Variants in DDX60 observed in about 807,000 individuals in gnomAD.
DDX60 encodes DExD/H-box helicase 60.
A neutral mutation model predicts 212.8 loss-of-function variants in DDX60; 165 were observed. That is an observed-to-expected ratio of 0.78 (90% CI 0.68 to 0.88). DDX60 has a LOEUF of 0.88. Ranked by LOEUF, DDX60 falls within the 40% of genes least tolerant of loss-of-function variation. The pLI is 0.00. For missense variants in DDX60, 1,905 were observed against 2,003.9 expected (o/e 0.95, Z 0.94); for synonymous variants, 703 against 685.3 (o/e 1.03, Z -0.40).
rs756026462 is a variant in DDX60, at chr4:168,287,187, CAAATTCA to C, written c.1193_1199del (p.Leu398TrpfsTer6). On this transcript the variant is annotated frameshift_variant, in exon 10 of 38. Coordinates refer to ENST00000393743, the MANE Select transcript of DDX60 (RefSeq NM_017631.6). LOFTEE classifies it high-confidence loss of function. Reference sequence around the variant, plus strand: ...CATAATCTTTCATAATGGTATCTCCCAAATTCAAATGTAGGCCTACATAACAATTAAA... The same window carrying C: ...CATAATCTTTCATAATGGTATCTCCCAATGTAGGCCTACATAACAATTAAA... 1 of 1,607,448 alleles carries C rather than the reference CAAATTCA, an allele frequency of 6.2e-7. No individual in the cohort carries two copies. The highest frequency in any genetic ancestry group is 1.1e-5 in the South Asian group (1 of 89,894).
At position 168,292,333 on chromosome 4, in the gene DDX60, C is replaced by A. The variant is rs905429497; in HGVS notation, c.883-427G>T. 2.0e-5 allele frequency among the ~76,000 whole-genome samples: 3 copies of A among 152,238 alleles called. No homozygotes were observed. The South Asian group carries it at 6.2e-4, about 32-fold the overall frequency. On this transcript the variant is annotated intron_variant, in intron 7 of 37. Coordinates refer to ENST00000393743, the MANE Select transcript of DDX60 (RefSeq NM_017631.6). ...GTGCTAGGATTACTCGTGTGAGACA[C>A]CATGCCCAGCTGAATTATTACATTT...
chr4:168,227,414 C>T (rs1180428468), intron 33 of DDX60, among the ~76,000 whole-genome samples: 4 of 151,840 alleles, frequency 2.6e-5, no homozygotes, highest in Admixed American at 6.6e-5. Context: ...GTAGTACTGC[C>T]CCATTTTCTT....
intron 33 of DDX60, among the ~76,000 whole-genome samples, chr4:168,226,495 C>G (rs1266107010): frequency 6.6e-6 from 1 of 151,968 alleles, no homozygotes; most frequent in African/African-American, 2.4e-5. Flanking sequence ...CACCAGACAC[C>G]TTGATTTAGA....
intron 35 of DDX60, among the ~76,000 whole-genome samples, chr4:168,223,360 T>C (rs181156736): frequency 6.6e-6 from 1 of 152,184 alleles, no homozygotes; most frequent in African/African-American, 2.4e-5. Context: ...CTTACTCTAG[T>C]AAAGTAAATT....
intron 34 of DDX60, among the ~76,000 whole-genome samples, 186 bp downstream of exon 34, chr4:168,225,343 G>T (rs1297678074): frequency 6.6e-6 from 1 of 151,986 alleles, no homozygotes; most frequent in African/African-American, 2.4e-5. Context: ...GCCCTACTTA[G>T]TTTGTCTCTT....
chr4:168,287,721 A>T (rs1245731139), intron 9 of DDX60, among the ~76,000 whole-genome samples: 1 of 152,096 alleles, frequency 6.6e-6, no homozygotes, highest in African/African-American at 2.4e-5. Context: ...TACTATTAGG[A>T]AACATCAGAA....
intron 33 of DDX60, among the ~76,000 whole-genome samples, chr4:168,230,970 G>C (rs1578974629): frequency 6.6e-6 from 1 of 151,874 alleles, no homozygotes; most frequent in East Asian, 1.9e-4. Flanking sequence ...GCCAAGAAAA[G>C]AAGAGAGATC....
At chr4:168,223,002 A>G (rs77677155) in intron 35 of DDX60, among the ~76,000 whole-genome samples, 4,695 of 152,208 alleles carry the variant, frequency 0.031, 221 homozygotes, top group African/African-American at 0.11. Flanking sequence ...TGTAAATAAA[A>G]GTGACTTTCA....
At chr4:168,281,312 C>A (rs770067558) in intron 13 of DDX60, among the ~76,000 whole-genome samples, 9 of 152,124 alleles carry the variant, frequency 5.9e-5, no homozygotes, top group Non-Finnish European at 1.2e-4. Context: ...ATATTTCCTC[C>A]ATGAAGCTTT....
intron 30 of DDX60, among the ~76,000 whole-genome samples, chr4:168,238,222 T>C (rs1344909657): frequency 7.9e-6 from 1 of 126,618 alleles, no homozygotes; most frequent in Non-Finnish European, 1.6e-5. Flanking sequence ...CCCATTAAAA[T>C]GTCTATGAAA....
At chr4:168,305,690 T>C (rs932986713) in intron 5 of DDX60, among the ~76,000 whole-genome samples, 2 of 150,630 alleles carry the variant, frequency 1.3e-5, no homozygotes, top group African/African-American at 4.9e-5. Flanking sequence ...TATATCCGTA[T>C]GCATATTTAC....
chr4:168,293,078 T>C (rs1736178830), intron 7 of DDX60, among the ~76,000 whole-genome samples: 1 of 152,200 alleles, frequency 6.6e-6, no homozygotes, highest in Admixed American at 6.5e-5. Context: ...ATAGTATGTA[T>C]ACACATGCGT....
In DDX60 at chr4:168,220,612, A is replaced by G. The variant is rs999383594; in HGVS notation, c.5039+43T>C. 5.4e-6 allele frequency: 6 copies of G among 1,104,192 alleles called. No individual in the cohort carries two copies. In the African/African-American group the frequency reaches 9.9e-5, roughly 18 times the overall value. The allele number at this position is 1,104,192 out of a possible 1,614,324, so 68.4% of individuals were successfully genotyped here. A position where few individuals can be genotyped will look rare whatever the true frequency, so the allele number is the denominator to read the frequency against. On this transcript the variant is annotated intron_variant, in intron 37 of 37. Transcript: ENST00000393743. ...TCAACATTTTTCAAATTATAAATAA[A>G]TTATTAAAAAATCTAAAATCAATAT...
intron 5 of DDX60, among the ~76,000 whole-genome samples, chr4:168,304,975 T>C (rs566508963): frequency 4.4e-4 from 67 of 152,330 alleles, no homozygotes; most frequent in African/African-American, 1.6e-3. Flanking sequence ...CTTCTGGTCC[T>C]GCAAGCTCCA....
At chr4:168,282,832 T>A (rs1735652262) in intron 13 of DDX60, among the ~76,000 whole-genome samples, 1 of 152,170 alleles carries the variant, frequency 6.6e-6, no homozygotes. Flanking sequence ...GATCATAAAC[T>A]ATTAGTATTA....
chr4:168,281,075 G>A (rs1283169042), intron 13 of DDX60, among the ~76,000 whole-genome samples: 1 of 152,212 alleles, frequency 6.6e-6, no homozygotes, highest in African/African-American at 2.4e-5. Flanking sequence ...GGGAGGCAGA[G>A]GTTGCAGTGA....
chr4:168,276,914 A>C (rs996764074), intron 14 of DDX60, among the ~76,000 whole-genome samples: 1 of 152,206 alleles, frequency 6.6e-6, no homozygotes, highest in Non-Finnish European at 1.5e-5. Context: ...ATAACACTTG[A>C]TCATTCCCAA....
chr4:168,280,337 T>A lies in DDX60; in HGVS notation c.1976A>T (p.Glu659Val). The stretch of plus-strand genomic sequence containing the variant: ...AATAACAAAACAGAATTACATACCT[T>A]CTTCACTTCGGCAATGTTCTTTCCA... ...KAWKEHCRSEEGKTTKDLSIA... is the reference protein window; with the variant it reads ...KAWKEHCRSEVGKTTKDLSIA... The change falls in exon 14 of 38, where the codon GAA (glutamate) becomes GTA (valine). Residue 659 changes from glutamate (E) to valine (V), a missense_variant and splice_region_variant. Transcript: ENST00000393743. 6.2e-7 allele frequency: 1 copy of A among 1,608,624 alleles called. No homozygotes were observed. Among genetic ancestry groups the A allele is most frequent in the Non-Finnish European group, 8.5e-7 (1 of 1,177,564 alleles).
chr4:168,239,259 G>C (rs1733749576), intron 30 of DDX60, among the ~76,000 whole-genome samples: 1 of 152,070 alleles, frequency 6.6e-6, no homozygotes, highest in African/African-American at 2.4e-5. Flanking sequence ...TAGAAAGATA[G>C]ATGATAGGTA....
Sources: gnomAD v4.1 joint callset for allele counts (sites outside exome capture counted in the v4.1 genomes callset) on GRCh38, gnomAD v4.1.1 for gene constraint, MANE v1.5 for transcripts, NCBI Gene and HGNC (gene_info 2026-07-23, HGNC 2026-07-21) for gene names.